Variants in PARD3 observed in about 807,000 individuals in gnomAD.
The protein encoded by PARD3 is par-3 family cell polarity regulator.
Under a neutral mutation model 155.4 loss-of-function variants are expected in PARD3, and 75 were observed. The ratio of observed to expected loss-of-function variants is 0.48; its 90% CI spans 0.40 to 0.58. The LOEUF is 0.58. PARD3 is among the 20% of genes least tolerant of loss of function. The pLI is 0.00. For missense variants in PARD3, 1,642 were observed against 1,721.7 expected (o/e 0.95, Z 0.82); for synonymous variants, 576 against 610.5 (o/e 0.94, Z 0.83).
chr10:34,150,594 G>C (rs11595985), intron 22 of PARD3, among the ~76,000 whole-genome samples: 29,423 of 152,038 alleles, frequency 0.19, 3,544 homozygotes, highest in Middle Eastern at 0.38. Flanking sequence ...GTGACGTGCC[G>C]GACTCTGCCG....
At chr10:34,269,037 T>C (rs1358310502) in intron 22 of PARD3, among the ~76,000 whole-genome samples, 2 of 152,196 alleles carry the variant, frequency 1.3e-5, no homozygotes, top group East Asian at 3.8e-4. Flanking sequence ...TCTATGCATG[T>C]AAAAATTACT....
At chr10:34,225,028 C>A (rs549051964) in intron 22 of PARD3, among the ~76,000 whole-genome samples, 2 of 152,170 alleles carry the variant, frequency 1.3e-5, no homozygotes, top group East Asian at 1.9e-4. Context: ...AAAAAAGAGA[C>A]CAAGATTTTC....
intron 1 of PARD3, among the ~76,000 whole-genome samples, chr10:34,704,115 A>G (rs904250211): frequency 2.0e-5 from 3 of 152,222 alleles, no homozygotes; most frequent in African/African-American, 7.2e-5. Flanking sequence ...CAGAGTGACC[A>G]GTCCAGACAC....
chr10:34,520,179 G>T (rs1161825226), intron 2 of PARD3, among the ~76,000 whole-genome samples: 1 of 152,082 alleles, frequency 6.6e-6, no homozygotes, highest in Non-Finnish European at 1.5e-5. Context: ...CTATTTCCAT[G>T]AACATTTATA....
intron 4 of PARD3, among the ~76,000 whole-genome samples, chr10:34,462,228 T>C (rs1339051800): frequency 5.9e-5 from 9 of 152,202 alleles, no homozygotes; most frequent in Non-Finnish European, 2.9e-5. Flanking sequence ...TAAAGAGAGC[T>C]ACAGGTCTGT....
intron 20 of PARD3, among the ~76,000 whole-genome samples, chr10:34,305,052 G>T (rs1218479666): frequency 6.6e-6 from 1 of 152,100 alleles, no homozygotes. Context: ...TATCTGTTCA[G>T]TTCATTTCAA....
intron 14 of PARD3, among the ~76,000 whole-genome samples, chr10:34,358,432 G>C (rs1259579114): frequency 3.3e-5 from 5 of 152,264 alleles, no homozygotes; most frequent in Non-Finnish European, 7.4e-5. Flanking sequence ...CATTCTAAGA[G>C]AACAGACTCA....
intron 1 of PARD3, among the ~76,000 whole-genome samples, chr10:34,720,155 G>A (rs543649558): frequency 2.6e-5 from 4 of 152,296 alleles, no homozygotes; most frequent in South Asian, 4.1e-4. Context: ...ATTTGCAAAC[G>A]GGCACGGCGG....
At chr10:34,613,670 C>A (rs2091062317) in intron 2 of PARD3, among the ~76,000 whole-genome samples, 1 of 152,058 alleles carries the variant, frequency 6.6e-6, no homozygotes, top group Non-Finnish European at 1.5e-5. Flanking sequence ...AATTCAGACA[C>A]AATGGCACCA....
intron 1 of PARD3, among the ~76,000 whole-genome samples, chr10:34,755,228 C>T (rs1836559454): frequency 6.6e-6 from 1 of 151,278 alleles, no homozygotes; most frequent in Admixed American, 6.6e-5. Context: ...ATGGTGAAAC[C>T]CCGTCTCTAC....
intron 2 of PARD3, among the ~76,000 whole-genome samples, chr10:34,518,328 T>C (rs1749147524): frequency 6.6e-6 from 1 of 152,250 alleles, no homozygotes; most frequent in African/African-American, 2.4e-5. Context: ...CCAGTGCCAC[T>C]GAGCATGCCT....
intron 22 of PARD3, among the ~76,000 whole-genome samples, chr10:34,235,989 G>C (rs945326254): frequency 3.9e-5 from 6 of 152,042 alleles, no homozygotes; most frequent in African/African-American, 1.4e-4. Flanking sequence ...ACAACTAAAA[G>C]GGTGTCACTA....
chr10:34,682,699 G>T (rs1003125719), intron 2 of PARD3, among the ~76,000 whole-genome samples: 3 of 152,072 alleles, frequency 2.0e-5, no homozygotes, highest in African/African-American at 7.2e-5. Flanking sequence ...TCCAGCCTGG[G>T]TGACAGACCA....
At chr10:34,300,811 G>C (rs1957111121) in intron 20 of PARD3, among the ~76,000 whole-genome samples, 1 of 152,150 alleles carries the variant, frequency 6.6e-6, no homozygotes, top group African/African-American at 2.4e-5. Flanking sequence ...CTCTAGGAAG[G>C]TCGTGTTCAG....
chr10:34,385,956 G>C (rs1842306137), intron 7 of PARD3, among the ~76,000 whole-genome samples: 2 of 152,146 alleles, frequency 1.3e-5, no homozygotes, highest in Admixed American at 1.3e-4. Flanking sequence ...CAAGTGAATA[G>C]AATTTAGATT....
chr10:34,579,552 C>CTGTGTGTGTGTGTGTG (rs1316450167), intron 2 of PARD3, among the ~76,000 whole-genome samples: 11 of 62,434 alleles, frequency 1.8e-4, no homozygotes, highest in African/African-American at 5.8e-4. Flanking sequence ...CTACCATTTT[C>CTGTGTGTGTGTGTGTG]TCTGTGTGTG....
At chr10:34,218,726 T>C (rs1408616769) in intron 22 of PARD3, among the ~76,000 whole-genome samples, 1 of 143,306 alleles carries the variant, frequency 7.0e-6, no homozygotes, top group Non-Finnish European at 1.5e-5. Context: ...AAAGATGGAT[T>C]GGAGAGGTCA....
chr10:34,319,893 A>G (rs1564581068), intron 19 of PARD3, among the ~76,000 whole-genome samples: 1 of 152,214 alleles, frequency 6.6e-6, no homozygotes, highest in Non-Finnish European at 1.5e-5. Flanking sequence ...CTGGAGCTAT[A>G]AAAACCTAGG....
At chr10:34,532,084 A>G (rs1041783814) in intron 2 of PARD3, among the ~76,000 whole-genome samples, 7 of 152,170 alleles carry the variant, frequency 4.6e-5, no homozygotes, top group Non-Finnish European at 1.0e-4. Flanking sequence ...CTTTATGGTT[A>G]CTTACATTTC....
Sources: gnomAD v4.1 joint callset for allele counts (sites outside exome capture counted in the v4.1 genomes callset) on GRCh38, gnomAD v4.1.1 for gene constraint, MANE v1.5 for transcripts, NCBI Gene and HGNC (gene_info 2026-07-23, HGNC 2026-07-21) for gene names.